TENM3: variants seen among roughly 807,000 people sequenced by gnomAD.
The protein encoded by TENM3 is teneurin-3.
Under a neutral mutation model 255.1 loss-of-function variants are expected in TENM3, and 63 were observed. The observed-to-expected ratio is 0.25, with a 90% CI of 0.20 to 0.30. TENM3 has a LOEUF of 0.30. Ranked by LOEUF, TENM3 falls within the 10% of genes least tolerant of loss-of-function variation. The pLI is 1.00. For synonymous variants in TENM3, 1,306 were observed against 1,322.3 expected (o/e 0.99, Z 0.27); for missense variants, 2,929 against 3,461.1 (o/e 0.85, Z 3.86).
At chr4:181,683,277 T>C in the TENM3 span, among the ~76,000 whole-genome samples, 1 of 152,078 alleles carries the variant, frequency 6.6e-6, no homozygotes, top group Non-Finnish European at 1.5e-5. Flanking sequence ...TGAAAGTCAG[T>C]CATGACTCAC....
intron 13 of TENM3, among the ~76,000 whole-genome samples, chr4:182,723,907 T>C (rs2309703): frequency 1 from 152,091 of 152,352 alleles, 75,915 homozygotes; most frequent in Non-Finnish European, 1. Flanking sequence ...TACTCTTTGG[T>C]TCTACAAAAT....
intron 1 of TENM3, among the ~76,000 whole-genome samples, chr4:182,161,402 C>T (rs567534066): frequency 1.3e-5 from 1 of 79,590 alleles, no homozygotes; most frequent in African/African-American, 5.3e-5. Flanking sequence ...GGCGACAGAG[C>T]GAGACTCCGT....
At chr4:181,958,481 A>G in the TENM3 span, among the ~76,000 whole-genome samples, 9 of 152,254 alleles carry the variant, frequency 5.9e-5, no homozygotes, top group Non-Finnish European at 1.3e-4. Context: ...CAGTAATGAT[A>G]TGAGTAAATC....
At chr4:181,818,167 T>C in the TENM3 span, among the ~76,000 whole-genome samples, 9 of 152,342 alleles carry the variant, frequency 5.9e-5, no homozygotes, top group African/African-American at 1.9e-4. Flanking sequence ...TGAGTTGCGA[T>C]GGTCAGTTTT....
chr4:182,343,620 A>AAGCCCAGCCC (rs980007882), intron 2 of TENM3, among the ~76,000 whole-genome samples: 2 of 151,656 alleles, frequency 1.3e-5, no homozygotes, highest in South Asian at 2.1e-4. Flanking sequence ...CCACTACTAC[A>AAGCCCAGCCC]AGCCCAGCCC....
chr4:181,704,761 G>A, the TENM3 span, among the ~76,000 whole-genome samples: 9 of 151,898 alleles, frequency 5.9e-5, no homozygotes, highest in African/African-American at 1.2e-4. Flanking sequence ...GGCAGGGCCC[G>A]GTGGCTCATG....
the TENM3 span, among the ~76,000 whole-genome samples, chr4:182,001,359 G>A: frequency 1.3e-3 from 195 of 152,152 alleles, no homozygotes; most frequent in African/African-American, 4.5e-3. Context: ...AGTGGTCTCT[G>A]TTCCTTGCTC....
chr4:182,679,867 A>G lies in TENM3; in HGVS notation c.1528A>G (p.Ile510Val), dbSNP rs762266049. The G allele has an allele frequency of 1.1e-4, 170 of 1,607,960 alleles. No homozygotes were observed. The highest frequency in any genetic ancestry group is 1.4e-4 in the Non-Finnish European group (164 of 1,176,674). ...TGCAGAGCAGGTGTCTTTTAATACCATTGTTATAGGTAAGAATAGTCTTCA... is the reference window on the plus strand; with the variant it reads ...TGCAGAGCAGGTGTCTTTTAATACCGTTGTTATAGGTAAGAATAGTCTTCA... ...KNAEQVSFNTIVIESVVECPR... is the reference protein window; with the variant it reads ...KNAEQVSFNTVVIESVVECPR... Residue 510 changes from isoleucine to valine, a missense_variant, in exon 8 of 28, where the codon ATT becomes GTT. Physicochemically the swap from Ile to Val is conservative, Grantham distance 29. Coordinates refer to ENST00000511685, the MANE Select transcript of TENM3 (RefSeq NM_001080477.4).
intron 3 of TENM3, among the ~76,000 whole-genome samples, chr4:182,534,565 C>T (rs762752626): frequency 3.9e-5 from 6 of 152,178 alleles, no homozygotes; most frequent in Non-Finnish European, 7.3e-5. Flanking sequence ...CACATGGTCA[C>T]TGGAGTTCAT....
rs554422918 is a variant in TENM3 at position 182,648,370 on chromosome 4, G to A, written c.989-5401G>A. ...ATGATCTTGGCTCACTGCAACCTCC[G>A]CCTCCCAGGTTCAAGCGATTCTCCT... On this transcript the variant is annotated intron_variant, in intron 5 of 27. Coordinates refer to ENST00000511685, the MANE Select transcript of TENM3 (RefSeq NM_001080477.4). 1.4e-4 allele frequency among the ~76,000 whole-genome samples: 21 copies of A among 149,524 alleles called. No homozygotes were observed. The South Asian group carries it at 3.3e-3, about 23-fold the overall frequency.
At chr4:182,765,145 G>A (rs1695057008) in intron 22 of TENM3, among the ~76,000 whole-genome samples, 1 of 149,956 alleles carries the variant, frequency 6.7e-6, no homozygotes, top group Non-Finnish European at 1.5e-5. Flanking sequence ...AAAAAAAAAT[G>A]TCTGATTGGA....
chr4:182,062,165 C>G, the TENM3 span, among the ~76,000 whole-genome samples: 4 of 152,116 alleles, frequency 2.6e-5, no homozygotes, highest in African/African-American at 9.7e-5. Flanking sequence ...GCTGGTAGTA[C>G]TGGTGAAGCA....
At chr4:181,955,230 A>T in the TENM3 span, among the ~76,000 whole-genome samples, 1 of 152,182 alleles carries the variant, frequency 6.6e-6, no homozygotes, top group South Asian at 2.1e-4. Flanking sequence ...ATTTTCAGAT[A>T]AGGAATCTTC....
the TENM3 span, among the ~76,000 whole-genome samples, chr4:182,049,327 T>A: frequency 6.6e-6 from 1 of 152,052 alleles, no homozygotes; most frequent in Non-Finnish European, 1.5e-5. Flanking sequence ...CTCCCTCTTC[T>A]GTATCAGATT....
At chr4:181,944,108 T>C in the TENM3 span, among the ~76,000 whole-genome samples, 1 of 152,090 alleles carries the variant, frequency 6.6e-6, no homozygotes, top group African/African-American at 2.4e-5. Flanking sequence ...TAGAACCCAG[T>C]AGGATCTATA....
At chr4:181,916,959 A>T in the TENM3 span, among the ~76,000 whole-genome samples, 4 of 151,758 alleles carry the variant, frequency 2.6e-5, no homozygotes, top group East Asian at 7.8e-4. Flanking sequence ...GAGGCCTGAT[A>T]AAAAAAAATT....
At chr4:182,604,168 T>C in intron 4 of TENM3, among the ~76,000 whole-genome samples, 1 of 152,312 alleles carries the variant, frequency 6.6e-6, no homozygotes, top group Non-Finnish European at 1.5e-5. Flanking sequence ...TAACATTTGC[T>C]CCTGCTGGAG....
chr4:181,730,051 G>A, the TENM3 span, among the ~76,000 whole-genome samples: 1 of 152,282 alleles, frequency 6.6e-6, no homozygotes, highest in East Asian at 1.9e-4. Flanking sequence ...TTCAAAGCGG[G>A]GCAGGAGAGG....
At chr4:181,582,574 G>A in the TENM3 span, among the ~76,000 whole-genome samples, 16 of 151,646 alleles carry the variant, frequency 1.1e-4, no homozygotes, top group Non-Finnish European at 2.2e-4. Flanking sequence ...TTGAAGCTGG[G>A]AGGCGGAGGT....
Sources: allele counts gnomAD v4.1 joint callset (sites outside exome capture counted in the v4.1 genomes callset), GRCh38; gene constraint gnomAD v4.1.1; transcripts MANE v1.5; gene names NCBI Gene and HGNC (gene_info 2026-07-23, HGNC 2026-07-21).